The following PIGB variants were observed in gnomAD, a reference collection of about 807,000 sequenced individuals.
The protein encoded by PIGB is GPI alpha-1,2-mannosyltransferase 3.
A neutral mutation model predicts 68.4 loss-of-function variants in PIGB; 58 were observed. The ratio of observed to expected loss-of-function variants is 0.85; its 90% confidence interval spans 0.69 to 1.06. PIGB has a LOEUF of 1.06. Among genes scored for constraint, PIGB ranks in the 50% least tolerant of loss-of-function variants. The pLI, the probability that PIGB is intolerant of heterozygous loss-of-function variation, is 0.00. For synonymous variants in PIGB, 219 were observed against 220.5 expected (o/e 0.99, Z 0.06); for missense variants, 634 against 655.8 (o/e 0.97, Z 0.36).
At chr15:55,346,822 A>T (rs559371591) in intron 9 of PIGB, 1 of 152,204 alleles carries the variant, frequency 6.6e-6, no homozygotes, top group Non-Finnish European at 1.5e-5. Context: ...AATATTGATG[A>T]AACAATACTA....
chr15:55,330,564 G>A (rs1234751285), intron 5 of PIGB, among the ~76,000 whole-genome samples: 1 of 152,164 alleles, frequency 6.6e-6, no homozygotes, highest in Non-Finnish European at 1.5e-5. Context: ...GTCCAGAGTA[G>A]TTATAGAGTG....
At chr15:55,342,352 A>G (rs1463270296) in intron 9 of PIGB, among the ~76,000 whole-genome samples, 2 of 152,192 alleles carry the variant, frequency 1.3e-5, no homozygotes, top group Non-Finnish European at 2.9e-5. Flanking sequence ...TACACACAAA[A>G]CATTTACACT....
At chr15:55,325,325 C>G (rs550746117) in intron 3 of PIGB, among the ~76,000 whole-genome samples, 1 of 151,624 alleles carries the variant, frequency 6.6e-6, no homozygotes, top group East Asian at 1.9e-4. Flanking sequence ...GACTCTGTCT[C>G]ACACACACAC....
rs2055653206 is a variant in PIGB, at chr15:55,340,835, T to G, written c.1058+12T>G. ...CTGCTTGTTTATAGGTAAGATTTTA[T>G]TTGTTCAAAAGGCTAAAATTTTTTA... On this transcript the variant is annotated intron_variant, in intron 8 of 11. Transcript: ENST00000164305. 1 of 1,522,136 alleles carries G rather than the reference T, an allele frequency of 6.6e-7. No homozygotes were observed. The highest frequency in any genetic ancestry group is 1.4e-5 in the African/African-American group (1 of 72,366). 94.3% of individuals were successfully genotyped at this position (1,522,136 alleles called of 1,614,324 possible). A position where few individuals can be genotyped will look rare whatever the true frequency, so the allele number is the denominator to read the frequency against.
At chr15:55,321,539 C>T in intron 3 of PIGB, 149 bp downstream of exon 3, 2 of 563,508 alleles carry the variant, frequency 3.5e-6, no homozygotes, top group East Asian at 6.2e-5. Context: ...TGCTGAAATA[C>T]AAGACTGAGC....
Position 55,347,379 on chromosome 15 carries a change from A to G in PIGB, c.1124-3320A>G, listed in dbSNP as rs567581999. On this transcript the variant is annotated intron_variant, in intron 9 of 11. Coordinates refer to ENST00000164305, the MANE Select transcript of PIGB (RefSeq NM_004855.5). ...GAGGTGGAGGTTGCAGTGAGCCGGT[A>G]TCATGCCACTTGCACTCCCGCCTGG... 2.0e-5 allele frequency among the ~76,000 whole-genome samples: 3 copies of G among 152,374 alleles called. No homozygotes were observed. In the East Asian group the frequency reaches 5.8e-4, roughly 29 times the overall value.
chr15:55,338,568 C>T (rs897240092), intron 6 of PIGB, among the ~76,000 whole-genome samples: 2 of 151,972 alleles, frequency 1.3e-5, no homozygotes, highest in African/African-American at 4.8e-5. Flanking sequence ...TCACTTGAGC[C>T]CAGGAGGTCA....
At chr15:55,350,507 C>T in intron 9 of PIGB, 192 bp from the exon 10 acceptor site, 1 of 584,136 alleles carries the variant, frequency 1.7e-6, no homozygotes, top group Non-Finnish European at 3.0e-6. Context: ...ATACCTTTTA[C>T]TAGAAAAAGT....
In PIGB at chr15:55,321,331, A is replaced by C. The variant is rs2055158095; in HGVS notation, c.358A>C (p.Ile120Leu). The C allele has an allele frequency of 1.2e-6, 2 of 1,608,182 alleles. No homozygotes were observed. Among genetic ancestry groups the C allele is most frequent in the South Asian group, 2.2e-5 (2 of 90,210 alleles). Residue 120 changes from isoleucine (I) to leucine (L), a missense_variant, in exon 3 of 12, where the codon ATC becomes CTC. Ile to Leu is a conservative substitution (Grantham distance 5, BLOSUM62 2). Coordinates refer to ENST00000164305, the MANE Select transcript of PIGB (RefSeq NM_004855.5). Reference sequence around the variant, plus strand: ...ACTGAGGAGTTACACTTATCCCTTAATCTTTGCAAGCATTTACAAGATTCT... The same window carrying C: ...ACTGAGGAGTTACACTTATCCCTTACTCTTTGCAAGCATTTACAAGATTCT... ...ERLRSYTYPL[I>L]FASIYKILHL... is the part of the protein sequence containing the mutation.
intron 9 of PIGB, among the ~76,000 whole-genome samples, 181 bp downstream of exon 9, chr15:55,341,983 A>C (rs1483681877): frequency 2.0e-5 from 3 of 152,202 alleles, no homozygotes; most frequent in African/African-American, 7.2e-5. Context: ...TATATCCTCT[A>C]AAGTGAGATA....
chr15:55,330,611 G>C lies in PIGB; in HGVS notation c.653+757G>C, dbSNP rs76800449. Among the ~76,000 whole-genome samples the C allele has an allele frequency of 2.6e-3, 390 of 152,300 alleles. 1 individual carries two copies. The highest frequency in any genetic ancestry group is 9.1e-3 in the African/African-American group (379 of 41,560). On this transcript the variant is annotated intron_variant, in intron 5 of 11. Transcript: ENST00000164305. ...ATGGAAGAAGAGAAGAAGAAGGGAT[G>C]AGGCTGGAATGAGACTTTGAATTTG...
intron 10 of PIGB, among the ~76,000 whole-genome samples, chr15:55,353,303 A>G (rs1048757378): frequency 3.3e-5 from 5 of 152,206 alleles, no homozygotes; most frequent in Non-Finnish European, 7.3e-5. Flanking sequence ...TGTGGCATAG[A>G]AAGACTAGAG....
chr15:55,320,018 T>G lies in PIGB; in HGVS notation c.164-257T>G, dbSNP rs56815391. On this transcript the variant is annotated intron_variant, in intron 1 of 11. Transcript: ENST00000164305. ...AGGCCTTAGTTAACCCACTCTTTTT[T>G]TTTTGTATTTATTTTAATATTATCT... The G allele has an allele frequency of 1.3e-4, 38 of 293,296 alleles. 1 individual carries two copies. The highest frequency in any genetic ancestry group is 4.8e-4 in the African/African-American group (22 of 46,304). 18.2% of individuals were successfully genotyped at this position (293,296 alleles called of 1,614,324 possible).
intron 1 of PIGB, 141 bp from the exon 2 acceptor site, chr15:55,320,134 T>C (rs991708430): frequency 1.7e-6 from 1 of 577,762 alleles, no homozygotes; most frequent in Non-Finnish European, 2.8e-6. Flanking sequence ...ACCAACCAAG[T>C]TGGCTTTAAG....
At chr15:55,323,006 T>A (rs1450686836) in intron 3 of PIGB, among the ~76,000 whole-genome samples, 1 of 152,118 alleles carries the variant, frequency 6.6e-6, no homozygotes, top group Non-Finnish European at 1.5e-5. Flanking sequence ...TCCACTGCCC[T>A]CCATCTGTAG....
At chr15:55,331,809 G>A (rs570422972) in intron 5 of PIGB, among the ~76,000 whole-genome samples, 17 of 152,116 alleles carry the variant, frequency 1.1e-4, no homozygotes, top group Non-Finnish European at 2.2e-4. Flanking sequence ...CTCTTAAAGC[G>A]TTGGGATTAC....
intron 7 of PIGB, chr15:55,340,330 C>A (rs1004612115): frequency 8.4e-5 from 15 of 178,562 alleles, no homozygotes; most frequent in Admixed American, 6.0e-4. Context: ...GTAGCGGGCG[C>A]CTGTAGTCCC....
intron 3 of PIGB, among the ~76,000 whole-genome samples, chr15:55,323,478 A>G (rs1419331520): frequency 1.3e-5 from 2 of 152,158 alleles, no homozygotes; most frequent in Non-Finnish European, 2.9e-5. Flanking sequence ...TTTAAAAAGG[A>G]TAGATGGCTT....
chr15:55,320,410 A>C lies in PIGB; in HGVS notation c.299A>C (p.Asn100Thr), dbSNP rs776524575. The change falls in exon 2 of 12, where the codon AAT becomes ACT. Residue 100 changes from asparagine to threonine, a missense_variant and splice_region_variant. Transcript: ENST00000164305. ...SLEVSHHMVF[N>T]YGYLTWEWTE... ...GAAGTTTCACATCACATGGTTTTCA[A>C]ATATCCTTTGTGGTTTCTTTTCCAG... 5.1e-5 allele frequency: 82 copies of C among 1,612,500 alleles called. No individual in the cohort carries two copies. Among genetic ancestry groups the C allele is most frequent in the Non-Finnish European group, 6.4e-5 (76 of 1,179,496 alleles).
Sources: gnomAD v4.1 joint callset for allele counts (sites outside exome capture counted in the v4.1 genomes callset) on GRCh38, gnomAD v4.1.1 for gene constraint, MANE v1.5 for transcripts, NCBI Gene and HGNC (gene_info 2026-07-23, HGNC 2026-07-21) for gene names.